Variants in NREP observed in about 807,000 individuals in gnomAD.
NREP encodes neuronal regeneration-related protein.
NREP carries 5 observed loss-of-function variants against 8.6 expected under a neutral mutation model. That is an observed-to-expected ratio of 0.58 (90% CI 0.30 to 1.22). NREP has a LOEUF of 1.22. Among genes scored for constraint, NREP ranks in the 50% most tolerant of loss-of-function variants. NREP has a pLI of 0.07. For missense variants in NREP, 86 were observed against 82.5 expected, an observed-to-expected ratio of 1.04 and a Z score of -0.17; for synonymous variants, 27 against 28.0, an observed-to-expected ratio of 0.96 and a Z score of 0.11.
At chr5:111,838,351 A>G (rs1259661908) in intron 2 of NREP, among the ~76,000 whole-genome samples, 1 of 152,156 alleles carries the variant, frequency 6.6e-6, no homozygotes, top group Non-Finnish European at 1.5e-5. Context: ...TACAGGAATA[A>G]GCTAAATAAT....
intron 2 of NREP, among the ~76,000 whole-genome samples, chr5:111,871,190 C>T (rs963512808): frequency 4.6e-5 from 7 of 151,932 alleles, no homozygotes; most frequent in Non-Finnish European, 1.0e-4. Flanking sequence ...TAGTATATAG[C>T]CCACTACCCA....
intron 2 of NREP, among the ~76,000 whole-genome samples, chr5:111,911,066 C>T (rs2112562704): frequency 6.6e-6 from 1 of 152,166 alleles, no homozygotes; most frequent in Middle Eastern, 3.4e-3. Flanking sequence ...TCCTGGCTAT[C>T]ACCCTGTACC....
At chr5:111,845,964 C>T (rs1753152458) in intron 2 of NREP, 1 of 152,346 alleles carries the variant, frequency 6.6e-6, no homozygotes, top group African/African-American at 2.4e-5. Flanking sequence ...ATTTAGTATG[C>T]TTTGTATTAC....
At chr5:111,835,340 T>A (rs952080983) in intron 2 of NREP, among the ~76,000 whole-genome samples, 12 of 152,038 alleles carry the variant, frequency 7.9e-5, no homozygotes, top group South Asian at 2.1e-4. Flanking sequence ...AGCCAGCCAA[T>A]AGGAATAGTA....
At chr5:111,955,104 A>G (rs765225562) in intron 2 of NREP, among the ~76,000 whole-genome samples, 2 of 152,310 alleles carry the variant, frequency 1.3e-5, no homozygotes, top group East Asian at 1.9e-4. Context: ...ATTCTCTTCT[A>G]CTATCAGACT....
At chr5:111,926,061 T>C (rs1581224651) in intron 2 of NREP, among the ~76,000 whole-genome samples, 1 of 152,152 alleles carries the variant, frequency 6.6e-6, no homozygotes, top group African/African-American at 2.4e-5. Context: ...CTGGGCTAGA[T>C]TTTGGAAAGC....
At chr5:111,760,540 G>T (rs1581097495), upstream of NREP, among the ~76,000 whole-genome samples, 1 of 152,216 alleles carries the variant, frequency 6.6e-6, no homozygotes, top group Non-Finnish European at 1.5e-5. Flanking sequence ...TGATTGTAGA[G>T]TTCTTGCACA....
intron 2 of NREP, among the ~76,000 whole-genome samples, chr5:111,849,330 G>A (rs932964271): frequency 1.2e-4 from 19 of 152,166 alleles, no homozygotes; most frequent in African/African-American, 4.3e-4. Context: ...GTCAGCTGAA[G>A]AAATTGAGGG....
intron 2 of NREP, among the ~76,000 whole-genome samples, chr5:111,775,638 A>T (rs973576145): frequency 1.3e-5 from 2 of 152,158 alleles, no homozygotes; most frequent in African/African-American, 4.8e-5. Context: ...TTATTCATTA[A>T]TAATGATTAA....
At chr5:111,888,349 G>T (rs948757516) in intron 2 of NREP, among the ~76,000 whole-genome samples, 19 of 151,894 alleles carry the variant, frequency 1.3e-4, no homozygotes, top group Admixed American at 3.3e-4. Context: ...TGGCGGGGGG[G>T]GTCTCAGGAA....
At chr5:111,830,303 T>C (rs1752734881) in intron 2 of NREP, among the ~76,000 whole-genome samples, 1 of 152,160 alleles carries the variant, frequency 6.6e-6, no homozygotes, top group Non-Finnish European at 1.5e-5. Flanking sequence ...GATCTTACAA[T>C]GACACAGAAG....
intron 2 of NREP, among the ~76,000 whole-genome samples, chr5:111,894,161 G>C (rs1045958237): frequency 8.5e-5 from 13 of 152,102 alleles, no homozygotes; most frequent in Non-Finnish European, 1.6e-4. Context: ...AGAGGTTGCA[G>C]TGAGCCGAGA....
chr5:111,760,348 G>A (rs1008184182), upstream of NREP, among the ~76,000 whole-genome samples: 1 of 152,194 alleles, frequency 6.6e-6, no homozygotes, highest in African/African-American at 2.4e-5. Flanking sequence ...GTGGAAAGAG[G>A]TAGCCTCCCT....
intron 2 of NREP, among the ~76,000 whole-genome samples, chr5:111,939,745 T>C (rs1263874526): frequency 1.3e-5 from 2 of 152,016 alleles, no homozygotes; most frequent in East Asian, 3.9e-4. Flanking sequence ...GGTCCCCAAG[T>C]GTAATACAGA....
intron 2 of NREP, chr5:111,974,424 A>G (rs1756906217): frequency 6.6e-6 from 1 of 152,218 alleles, no homozygotes; most frequent in Non-Finnish European, 1.5e-5. Context: ...ACATATCTGT[A>G]GCATGGGACA....
intron 2 of NREP, among the ~76,000 whole-genome samples, chr5:111,776,642 G>A (rs1441912099): frequency 1.1e-4 from 16 of 152,084 alleles, no homozygotes; most frequent in Non-Finnish European, 7.4e-5. Context: ...AAAAGAATAA[G>A]CTGATGGAAA....
At chr5:111,748,744 C>T (rs1750169392) in intron 2 of NREP, among the ~76,000 whole-genome samples, 2 of 152,050 alleles carry the variant, frequency 1.3e-5, no homozygotes, top group African/African-American at 2.4e-5. Context: ...CACCATCCCA[C>T]TGGTAGAGGA....
rs1749019412 is a variant in NREP, at chr5:111,735,508, CTA to C, written c.4-3_4-2del. 6.2e-7 allele frequency: 1 copy of C among 1,608,168 alleles called. No individual in the cohort carries two copies. Among genetic ancestry groups the C allele is most frequent in the Non-Finnish European group, 8.5e-7 (1 of 1,175,488 alleles). ...AGACAAAGAGTTCTGGGTAATAAAC[CTA>C]TAGAGACACAAAAGCATACACATTC... On this transcript the variant is annotated splice_acceptor_variant and splice_polypyrimidine_tract_variant and intron_variant, in intron 2 of 3. Transcript: ENST00000257435. LOFTEE classifies it high-confidence loss of function.
chr5:111,748,760 A>G (rs555256528), intron 2 of NREP, among the ~76,000 whole-genome samples: 3 of 152,080 alleles, frequency 2.0e-5, no homozygotes, highest in South Asian at 2.1e-4. Flanking sequence ...GAGGAAATGG[A>G]AAAAAAAGGC....
Sources: gnomAD v4.1 joint callset for allele counts (sites outside exome capture counted in the v4.1 genomes callset) on GRCh38, gnomAD v4.1.1 for gene constraint, MANE v1.5 for transcripts, NCBI Gene and HGNC (gene_info 2026-07-23, HGNC 2026-07-21) for gene names.